The following MYH4 variants were observed in gnomAD, a reference collection of about 807,000 sequenced individuals.
MYH4 encodes the protein myosin-4.
A neutral mutation model predicts 229.9 loss-of-function variants in MYH4; 200 were observed. The ratio of observed to expected loss-of-function variants is 0.87; its 90% CI spans 0.78 to 0.98. MYH4 has a LOEUF of 0.98. MYH4 is among the 50% of genes least tolerant of loss of function. MYH4 has a pLI of 0.00. For missense variants in MYH4, 2,148 were observed against 2,332.6 expected (o/e 0.92, Z 1.63); for synonymous variants, 761 against 834.6 (o/e 0.91, Z 1.52).
rs375543801 is a variant in MYH4, at chr17:10,450,563, G to A, written c.4071C>T (p.Ala1357=). ...LREQYEEEQE[A]KAELQRGMSK... ...ACATTCCCCTCTGCAGCTCAGCCTTGGCTTCCTGCTCCTCCTCATACTGTT... is the reference window on the plus strand; with the variant it reads ...ACATTCCCCTCTGCAGCTCAGCCTTAGCTTCCTGCTCCTCCTCATACTGTT... The change falls in exon 30 of 40, where the codon GCC becomes GCT. Residue 1357 remains alanine, a synonymous_variant. Transcript: ENST00000255381. 7 of 1,614,062 alleles carry A rather than the reference G, an allele frequency of 4.3e-6. No individual in the cohort carries two copies. The highest frequency in any genetic ancestry group is 5.9e-6 in the Non-Finnish European group (7 of 1,180,028).
At position 10,452,521 on chromosome 17, in the gene MYH4, A is replaced by G; in HGVS notation, c.3258-15T>C. 1 of 1,608,788 alleles carries G rather than the reference A, an allele frequency of 6.2e-7. No homozygotes were observed. The highest frequency in any genetic ancestry group is 1.1e-5 in the South Asian group (1 of 90,858). On this transcript the variant is annotated splice_polypyrimidine_tract_variant and intron_variant, in intron 25 of 39. Transcript: ENST00000255381. ...CAAACTCTTTCCTATTAGAAGAGCAACACATTAGCTTATAATCACTTCTCT... is the reference window on the plus strand; with the variant it reads ...CAAACTCTTTCCTATTAGAAGAGCAGCACATTAGCTTATAATCACTTCTCT...
intron 8 of MYH4, 60 bp downstream of exon 8, chr17:10,463,491 C>A: frequency 6.4e-7 from 1 of 1,572,704 alleles, no homozygotes; most frequent in Non-Finnish European, 8.7e-7. Context: ...AAAATATTGA[C>A]ACCACATGCA....
At chr17:10,466,482 A>G (rs1465785513) in intron 3 of MYH4, 60 bp downstream of exon 3, 16 of 1,612,368 alleles carry the variant, frequency 9.9e-6, no homozygotes, top group East Asian at 2.2e-5. Context: ...TCAAAAAAAT[A>G]TCACCTAAAT....
chr17:10,451,100 T>C (rs2072567560), intron 28 of MYH4, among the ~76,000 whole-genome samples: 1 of 152,188 alleles, frequency 6.6e-6, no homozygotes, highest in African/African-American at 2.4e-5. Context: ...TTTTGAGTAA[T>C]GCTGAGTCAC....
intron 21 of MYH4, 48 bp from the exon 22 acceptor site, chr17:10,454,858 G>C: frequency 1.2e-6 from 2 of 1,610,032 alleles, no homozygotes; most frequent in Non-Finnish European, 1.7e-6. Flanking sequence ...TGTGGAAAGT[G>C]ATCATCACTC....
chr17:10,463,679 G>C (rs558308912), intron 7 of MYH4, 36 bp from the exon 8 acceptor site: 1 of 1,509,948 alleles, frequency 6.6e-7, no homozygotes. Flanking sequence ...AAAGAAAAAA[G>C]TTGCAGTAAA....
Position 10,452,196 on chromosome 17 carries a change from A to G in MYH4, c.3483T>C (p.Thr1161=). 8 of 1,613,878 alleles carry G rather than the reference A, an allele frequency of 5.0e-6. No homozygotes were observed. Among genetic ancestry groups the G allele is most frequent in the African/African-American group, 1.3e-5 (1 of 75,026 alleles). Reference sequence around the variant, plus strand: ...TCTTGTTCATCTCAATCTGGGCTGAAGTGGCCCCACCGGCTTCTTCCAGCC... The same window carrying G: ...TCTTGTTCATCTCAATCTGGGCTGAGGTGGCCCCACCGGCTTCTTCCAGCC... ...SERLEEAGGA[T]SAQIEMNKKR... is the part of the protein sequence containing the mutation. Residue 1161 remains threonine (T), a synonymous_variant, in exon 27 of 40, where the codon ACT becomes ACC. Transcript: ENST00000255381.
In MYH4 at chr17:10,459,967, G is replaced by A; in HGVS notation, c.1401C>T (p.Gly467=). The A allele has an allele frequency of 6.2e-7, 1 of 1,613,990 alleles. No individual in the cohort carries two copies. Among genetic ancestry groups the A allele is most frequent in the Non-Finnish European group, 8.5e-7 (1 of 1,179,940 alleles). Residue 467 remains glycine (G), a synonymous_variant, in exon 14 of 40, where the codon GGC becomes GGT. Coordinates refer to ENST00000255381, the MANE Select transcript of MYH4 (RefSeq NM_017533.2). ...CACTACTCACATCAAAGATCTCAAA[G>A]CCAGCAATGTCCAAGACCCCGATGA... ...QYFIGVLDIA[G]FEIFDFNSLE...
chr17:10,449,328 A>G lies in MYH4; in HGVS notation c.4182-281T>C, dbSNP rs115945893. 8.1e-3 allele frequency among the ~76,000 whole-genome samples: 1,231 copies of G among 152,304 alleles called. 21 individuals are homozygous for G. The highest frequency in any genetic ancestry group is 0.028 in the African/African-American group (1,175 of 41,572). ...AGTTAGCACTAGAGCTGAGTGAGCA[A>G]TGTGAAAATTTGCTCCTCTTTCTTT... On this transcript the variant is annotated intron_variant, in intron 30 of 39. Transcript: ENST00000255381.
chr17:10,455,024 CT>C lies in MYH4; in HGVS notation c.2351del (p.Lys784SerfsTer2). The part of the protein sequence containing the change: ...LGTLEEMRDE[K>X]LAQLITRTQA... ...GAGTGCGCGTGATGAGTTGAGCTAG[CT>C]TTTCATCTCGCATTTCCTCTAGAGT... On this transcript the variant is annotated frameshift_variant, in exon 21 of 40. Coordinates refer to ENST00000255381, the MANE Select transcript of MYH4 (RefSeq NM_017533.2). LOFTEE classifies it high-confidence loss of function. The C allele has an allele frequency of 6.2e-7, 1 of 1,614,194 alleles. No homozygotes were observed. The highest frequency in any genetic ancestry group is 8.5e-7 in the Non-Finnish European group (1 of 1,180,038).
chr17:10,446,129 A>G (rs985060475), intron 35 of MYH4, among the ~76,000 whole-genome samples: 4 of 151,860 alleles, frequency 2.6e-5, no homozygotes, highest in African/African-American at 9.7e-5. Context: ...GGAATAGTCA[A>G]CTTCAGATAC....
At chr17:10,463,295 C>G in intron 9 of MYH4, 43 bp downstream of exon 9, 1 of 1,559,722 alleles carries the variant, frequency 6.4e-7, no homozygotes. Flanking sequence ...AATATGTACC[C>G]ACAAAGAAAA....
chr17:10,448,952 T>G lies in MYH4; in HGVS notation c.4277A>C (p.Gln1426Pro). Residue 1426 changes from glutamine (Q) to proline (P), a missense_variant, in exon 31 of 40, where the codon CAG becomes CCG. Gln to Pro is a moderately conservative substitution (Grantham distance 76, BLOSUM62 -1). Coordinates refer to ENST00000255381, the MANE Select transcript of MYH4 (RefSeq NM_017533.2). ...AATCATGAGGTCCTCTACTTCATTC[T>G]GTAGCCTCTGCTTTGTCTTTTCAAG... ...ASLEKTKQRL[Q>P]NEVEDLMIDV... 1 of 1,614,168 alleles carries G rather than the reference T, an allele frequency of 6.2e-7. No homozygotes were observed. Among genetic ancestry groups the G allele is most frequent in the Non-Finnish European group, 8.5e-7 (1 of 1,180,012 alleles).
In MYH4 at chr17:10,452,097, A is replaced by G; in HGVS notation, c.3582T>C (p.Ala1194=). Residue 1194 remains alanine, a synonymous_variant, in exon 27 of 40, where the codon GCT becomes GCC. Coordinates refer to ENST00000255381, the MANE Select transcript of MYH4 (RefSeq NM_017533.2). The part of the protein sequence containing the change: ...ESTLQHEATA[A]ALRKKHADSV... ...TATCTGCGTGCTTCTTCCGAAGAGCAGCTGCCGTGGCTTCGTGCTGCAGGG... is the reference window on the plus strand; with the variant it reads ...TATCTGCGTGCTTCTTCCGAAGAGCGGCTGCCGTGGCTTCGTGCTGCAGGG... 1.2e-6 allele frequency: 2 copies of G among 1,613,990 alleles called. No homozygotes were observed. Among genetic ancestry groups the G allele is most frequent in the African/African-American group, 1.3e-5 (1 of 75,012 alleles).
At position 10,450,446 on chromosome 17, in the gene MYH4, C is replaced by T; in HGVS notation, c.4181+7G>A. The T allele has an allele frequency of 6.2e-7, 1 of 1,613,970 alleles. No individual in the cohort carries two copies. Among genetic ancestry groups the T allele is most frequent in the South Asian group, 1.1e-5 (1 of 91,068 alleles). ...TCTTCCTGCTCCCCTGCACTAAAAG[C>T]ACATACTTGGCCTCCTCCAGCTCCT... On this transcript the variant is annotated splice_region_variant and intron_variant, in intron 30 of 39. Transcript: ENST00000255381.
At position 10,465,773 on chromosome 17, in the gene MYH4, T is replaced by TC. The variant is rs369734492; in HGVS notation, c.349-176_349-175insG. Among the ~76,000 whole-genome samples the TC allele has an allele frequency of 5.3e-3, 735 of 137,680 alleles. 8 individuals are homozygous for TC. The highest frequency in any genetic ancestry group is 0.019 in the African/African-American group (703 of 37,084). 90.3% of individuals were successfully genotyped at this position (137,680 alleles called of 152,430 possible). ...TGCACAAAATGCTTCAGTTTTTCTT[T>TC]TTTTTTTTTTTTTTTTTTTGAGACG... On this transcript the variant is annotated intron_variant, in intron 4 of 39. Coordinates refer to ENST00000255381, the MANE Select transcript of MYH4 (RefSeq NM_017533.2).
intron 2 of MYH4, among the ~76,000 whole-genome samples, chr17:10,467,911 A>G (rs1241489478): frequency 3.9e-5 from 6 of 152,222 alleles, no homozygotes; most frequent in African/African-American, 1.4e-4. Context: ...GCCAATGACA[A>G]TGACAGCAAT....
chr17:10,465,730 T>A, intron 4 of MYH4, 132 bp from the exon 5 acceptor site: 2 of 1,059,874 alleles, frequency 1.9e-6, no homozygotes, highest in Admixed American at 2.4e-5. Context: ...ATTTGTTGCC[T>A]CCTTCCATCA....
At position 10,464,723 on chromosome 17, in the gene MYH4, C is replaced by T. The variant is rs779959147; in HGVS notation, c.506-15G>A. On this transcript the variant is annotated splice_polypyrimidine_tract_variant and intron_variant, in intron 5 of 39. Transcript: ENST00000255381. ...GTTTTCACGATCTGTAAAAGAGAAG[C>T]CAAAGATAATATTTAGAAAAACACA... 1.6e-5 allele frequency: 25 copies of T among 1,611,272 alleles called. No homozygotes were observed. The East Asian group carries it at 4.5e-4, about 29-fold the overall frequency.
Sources: allele counts gnomAD v4.1 joint callset (sites outside exome capture counted in the v4.1 genomes callset), GRCh38; gene constraint gnomAD v4.1.1; transcripts MANE v1.5; gene names NCBI Gene and HGNC (gene_info 2026-07-23, HGNC 2026-07-21).